The following POLR1A variants were observed in gnomAD, a reference collection of about 807,000 sequenced individuals.
POLR1A encodes the protein RNA polymerase I subunit A.
A neutral mutation model predicts 205.3 loss-of-function variants in POLR1A; 84 were observed. The ratio of observed to expected loss-of-function variants is 0.41; its 90% confidence interval spans 0.34 to 0.49. POLR1A has a LOEUF of 0.49. POLR1A is among the 20% of genes least tolerant of loss of function. The pLI, the probability that POLR1A is intolerant of heterozygous loss-of-function variation, is 0.22. For missense variants in POLR1A, 1,645 were observed against 2,204.5 expected (o/e 0.75, Z 5.08); for synonymous variants, 799 against 863.7 (o/e 0.93, Z 1.31).
intron 27 of POLR1A, among the ~76,000 whole-genome samples, chr2:86,034,041 C>G (rs1672451350): frequency 6.6e-6 from 1 of 152,232 alleles, no homozygotes; most frequent in Admixed American, 6.5e-5. Flanking sequence ...ATGAGTAGGA[C>G]AGGCAGCTTC....
intron 3 of POLR1A, among the ~76,000 whole-genome samples, chr2:86,093,723 G>A (rs1052635723): frequency 2.0e-5 from 3 of 152,272 alleles, no homozygotes; most frequent in East Asian, 3.9e-4. Context: ...CCAGCTACTC[G>A]TGAGGCTGAG....
rs543258877 is a variant in POLR1A at position 86,064,854 on chromosome 2, AGCGATTCTCTTGCCTCAGGCTGAG to A, written c.2058+396_2058+419del. On this transcript the variant is annotated intron_variant, in intron 14 of 33. Transcript: ENST00000263857. ...CTACAACCTCCACCTCCTGGGTTCA[AGCGATTCTCTTGCCTCAGGCTGAG>A]GCGATTCTCTTGCCTCAGCCTCCCG... Among the ~76,000 whole-genome samples the A allele has an allele frequency of 5.3e-4, 80 of 152,056 alleles. No individual in the cohort carries two copies. The South Asian group carries it at 0.014, about 27-fold the overall frequency.
At chr2:86,043,379 A>C (rs1335899093) in intron 22 of POLR1A, among the ~76,000 whole-genome samples, 184 bp from the exon 23 acceptor site, 3 of 152,144 alleles carry the variant, frequency 2.0e-5, no homozygotes, top group Non-Finnish European at 4.4e-5. Flanking sequence ...CAGGGCCCTC[A>C]CTTTGTGCAA....
rs1396789753 is a variant in POLR1A, at chr2:86,028,938, C to G, written c.4780-227G>C. ...AGGTCTGTATCGTCATTACAAGAAT[C>G]CAGCGTGTCCACTTTGGACACGCTT... On this transcript the variant is annotated intron_variant, in intron 31 of 33. Coordinates refer to ENST00000263857, the MANE Select transcript of POLR1A (RefSeq NM_015425.6). This position sits in a 1 kb window ranked among gnomAD's most constrained non-coding sequence, Gnocchi z 4.5. 1.9e-6 allele frequency: 1 copy of G among 521,290 alleles called. No homozygotes were observed. Among genetic ancestry groups the G allele is most frequent in the African/African-American group, 1.9e-5 (1 of 52,600 alleles). The allele number at this position is 521,290 out of a possible 1,614,324, so 32.3% of individuals were successfully genotyped here. A position where few individuals can be genotyped will look rare whatever the true frequency, so the allele number is the denominator to read the frequency against.
Position 86,030,163 on chromosome 2 carries a change from C to G in POLR1A, c.4779+33G>C, listed in dbSNP as rs770002372. The stretch of plus-strand genomic sequence containing the variant: ...AGACAACGTGGGGTGAGGACTAATG[C>G]TTTGTCCCAGGCCAGCAGACAGCCT... On this transcript the variant is annotated intron_variant, in intron 31 of 33. Coordinates refer to ENST00000263857, the MANE Select transcript of POLR1A (RefSeq NM_015425.6). The G allele has an allele frequency of 1.3e-5, 21 of 1,572,606 alleles. No individual in the cohort carries two copies. In the East Asian group the frequency reaches 4.0e-4, roughly 30 times the overall value.
intron 26 of POLR1A, 128 bp downstream of exon 26, chr2:86,039,199 G>T: frequency 2.0e-6 from 2 of 1,021,956 alleles, no homozygotes; most frequent in Non-Finnish European, 2.9e-6. Flanking sequence ...GGCAGAGACA[G>T]CTTATCTCTC....
Position 86,070,359 on chromosome 2 carries a change from G to A in POLR1A, c.1612-87C>T. On this transcript the variant is annotated intron_variant, in intron 12 of 33. Coordinates refer to ENST00000263857, the MANE Select transcript of POLR1A (RefSeq NM_015425.6). This position sits in a 1 kb window ranked among gnomAD's most constrained non-coding sequence, Gnocchi z 4.4. The stretch of plus-strand genomic sequence containing the variant: ...CAAGTGCTCACCTCAGCTTGACCAA[G>A]GTGTGGCTTTTGTCTCACGTTCTAG... 4 of 1,419,342 alleles carry A rather than the reference G, an allele frequency of 2.8e-6. No individual in the cohort carries two copies. The highest frequency in any genetic ancestry group is 3.8e-6 in the Non-Finnish European group (4 of 1,046,492). The allele number at this position is 1,419,342 out of a possible 1,614,324, so 87.9% of individuals were successfully genotyped here.
intron 23 of POLR1A, 69 bp from the exon 24 acceptor site, chr2:86,042,172 T>C: frequency 9.3e-7 from 1 of 1,074,546 alleles, no homozygotes; most frequent in South Asian, 1.3e-5. Context: ...TCAAAAGCAT[T>C]GGCTTCCAAT....
At chr2:86,083,044 G>GAGA (rs1558782021) in intron 7 of POLR1A, 38 bp downstream of exon 7, 1 of 1,448,892 alleles carries the variant, frequency 6.9e-7, no homozygotes, top group African/African-American at 1.4e-5. Flanking sequence ...TAAAAGCCTA[G>GAGA]AGAAGATCAA....
Position 86,031,539 on chromosome 2 carries a change from G to C in POLR1A, c.4369C>G (p.Arg1457Gly). Reference protein sequence around the residue: ...EERNPHREGARKTQEQDEEVG... With the variant: ...EERNPHREGAGKTQEQDEEVG... Reference sequence around the variant, plus strand: ...TCTTCATCTTGCTCTTGGGTCTTTCGAGCACCTTCCCTGTGGGGATTTCGT... The same window carrying C: ...TCTTCATCTTGCTCTTGGGTCTTTCCAGCACCTTCCCTGTGGGGATTTCGT... The change falls in exon 30 of 34, where the codon CGA (arginine) becomes GGA (glycine). Residue 1457 changes from arginine (R) to glycine (G), a missense_variant. Coordinates refer to ENST00000263857, the MANE Select transcript of POLR1A (RefSeq NM_015425.6). 1 of 1,614,126 alleles carries C rather than the reference G, an allele frequency of 6.2e-7. No homozygotes were observed. Among genetic ancestry groups the C allele is most frequent in the East Asian group, 2.2e-5 (1 of 44,872 alleles).
At position 86,049,212 on chromosome 2, in the gene POLR1A, G is replaced by T. The variant is rs1454238006; in HGVS notation, c.2423C>A (p.Ala808Glu). 1 of 1,613,960 alleles carries T rather than the reference G, an allele frequency of 6.2e-7. No homozygotes were observed. The highest frequency in any genetic ancestry group is 1.3e-5 in the African/African-American group (1 of 75,024). Residue 808 changes from alanine (A) to glutamate (E), a missense_variant, in exon 17 of 34, where the codon GCA (alanine) becomes GAA (glutamate). Ala to Glu is a moderately radical substitution (Grantham distance 107). Around this residue, in one of 16 missense-constraint regions of POLR1A, gnomAD observed 339 missense variants for 415.1 expected, o/e 0.82. Transcript: ENST00000263857. ...AATGATACGTTGCCTCTTGACATCT[G>T]CCTTTGGCTTCACCAAAATGTCTTC... ...GVEDILVKPK[A>E]DVKRQRIIEE... is the part of the protein sequence containing the mutation.
intron 28 of POLR1A, 96 bp from the exon 29 acceptor site, chr2:86,032,478 C>A (rs978066965): frequency 1.1e-6 from 1 of 887,316 alleles, no homozygotes; most frequent in South Asian, 1.4e-5. Context: ...TCCATCCATG[C>A]CCCACCCTTC....
chr2:86,079,862 AGGCTGCCCG>A (rs1573827437), intron 9 of POLR1A, among the ~76,000 whole-genome samples: 1 of 152,130 alleles, frequency 6.6e-6, no homozygotes, highest in East Asian at 1.9e-4. Context: ...ATGCCTGGCC[AGGCTGCCCG>A]ATTTTTAAGG....
At chr2:86,097,244 C>CAAAAAAAAAAAAAAAAAAAAAAAAAAAAA (rs1213876753) in intron 3 of POLR1A, among the ~76,000 whole-genome samples, 9 of 40,702 alleles carry the variant, frequency 2.2e-4, no homozygotes, top group African/African-American at 5.2e-4. Flanking sequence ...AAAAAAAAAG[C>CAAAAAAAAAAAAAAAAAAAAAAAAAAAAA]AAATGCTGGT....
chr2:86,086,239 T>A (rs895174163), intron 6 of POLR1A, among the ~76,000 whole-genome samples: 3 of 151,966 alleles, frequency 2.0e-5, no homozygotes, highest in Non-Finnish European at 4.4e-5. Context: ...TTTTTTTTTT[T>A]AGTAGAGACA....
intron 3 of POLR1A, among the ~76,000 whole-genome samples, chr2:86,098,041 A>G (rs1212316482): frequency 6.6e-6 from 1 of 152,236 alleles, no homozygotes; most frequent in African/African-American, 2.4e-5. Flanking sequence ...AAAAGACCAA[A>G]AAAACCAAAT....
intron 11 of POLR1A, among the ~76,000 whole-genome samples, chr2:86,076,551 T>G (rs1673287190): frequency 6.6e-6 from 1 of 152,180 alleles, no homozygotes; most frequent in South Asian, 2.1e-4. Context: ...CAGAGGCAGT[T>G]CTATCCACTC....
intron 27 of POLR1A, among the ~76,000 whole-genome samples, chr2:86,034,875 T>G (rs1441944304): frequency 6.6e-6 from 1 of 152,088 alleles, no homozygotes; most frequent in Non-Finnish European, 1.5e-5. Flanking sequence ...TTATTATTAG[T>G]TCCCCCCACC....
At chr2:86,076,538 G>A (rs1673286900) in intron 11 of POLR1A, among the ~76,000 whole-genome samples, 1 of 152,152 alleles carries the variant, frequency 6.6e-6, no homozygotes, top group East Asian at 1.9e-4. Flanking sequence ...TGATCCAAGG[G>A]GCCAGAGGCA....
Sources: gnomAD v4.1 joint callset for allele counts (sites outside exome capture counted in the v4.1 genomes callset) on GRCh38, gnomAD v4.1.1 for gene constraint, gnomAD v4.1.1 regional missense constraint, Gnocchi (gnomAD v3.1) non-coding constraint, MANE v1.5 for transcripts, NCBI Gene and HGNC (gene_info 2026-07-23, HGNC 2026-07-21) for gene names.